SPTA1: variants seen among roughly 807,000 people sequenced by gnomAD.
SPTA1 encodes spectrin alpha chain, erythrocytic 1.
In SPTA1, 177 loss-of-function variants were observed where a neutral mutation model predicts 324.7. The observed-to-expected ratio is 0.55, with a 90% CI of 0.48 to 0.62. The LOEUF (loss-of-function observed/expected upper bound fraction) is 0.62. SPTA1 is among the 20% of genes least tolerant of loss of function. The pLI, the probability that SPTA1 is intolerant of heterozygous loss-of-function variation, is 0.00. For missense variants in SPTA1, 3,162 were observed against 2,883.6 expected (o/e 1.10, Z -2.21); for synonymous variants, 1,195 against 1,041.3 (o/e 1.15, Z -2.84).
chr1:158,667,509 A>G (rs1653694402), intron 15 of SPTA1, among the ~76,000 whole-genome samples: 1 of 152,222 alleles, frequency 6.6e-6, no homozygotes, highest in Non-Finnish European at 1.5e-5. Flanking sequence ...TTATAGAACC[A>G]AAATAGGTAA....
At chr1:158,640,673 TACAA>T (rs1557945517) in intron 33 of SPTA1, among the ~76,000 whole-genome samples, 1 of 151,984 alleles carries the variant, frequency 6.6e-6, no homozygotes, top group African/African-American at 2.4e-5. Flanking sequence ...TAAAAGAGGA[TACAA>T]ACAAATGGAA....
chr1:158,646,233 T>C (rs1015767498), intron 27 of SPTA1, among the ~76,000 whole-genome samples: 8 of 152,006 alleles, frequency 5.3e-5, no homozygotes, highest in Non-Finnish European at 1.2e-4. Context: ...AAAAGGCAAA[T>C]TTTAACTATG....
chr1:158,675,591 C>T (rs1363014782), intron 8 of SPTA1, among the ~76,000 whole-genome samples: 2 of 152,036 alleles, frequency 1.3e-5, no homozygotes, highest in Admixed American at 6.6e-5. Flanking sequence ...TACCTATATG[C>T]CTATGATAGA....
chr1:158,673,001 A>T lies in SPTA1; in HGVS notation c.1351-805T>A, dbSNP rs760695025. ...GCCGGATGTGGTGGTGCGCACCTCT[A>T]GTCCCAGCTATTCAGGAGGCTGAGG... is the stretch of plus-strand genomic sequence containing the variant. On this transcript the variant is annotated intron_variant, in intron 10 of 51. Coordinates refer to ENST00000643759, the MANE Select transcript of SPTA1 (RefSeq NM_003126.4). Among the ~76,000 whole-genome samples, 28 of 152,196 alleles carry T rather than the reference A, an allele frequency of 1.8e-4. 1 individual carries two copies. Among genetic ancestry groups the T allele is most frequent in the Middle Eastern group, 3.4e-3 (1 of 292 alleles).
intron 23 of SPTA1, 28 bp from the exon 24 acceptor site, chr1:158,651,496 T>C (rs1224022167): frequency 3.4e-6 from 5 of 1,465,104 alleles, no homozygotes; most frequent in African/African-American, 2.8e-5. Context: ...TCCAAAGCAG[T>C]GTAAATTCAT....
intron 20 of SPTA1, 46 bp downstream of exon 20, chr1:158,656,518 T>C (rs1557965521): frequency 3.2e-6 from 5 of 1,538,970 alleles, no homozygotes; most frequent in Non-Finnish European, 4.5e-6. Context: ...TTTCTTTTTC[T>C]TTGTGGTGGG....
rs1377517418 is a variant in SPTA1 at position 158,678,459 on chromosome 1, AACC to A, written c.751_753del (p.Gly251del). On this transcript the variant is annotated inframe_deletion, in exon 6 of 52. Transcript: ENST00000643759. ...AGAGCTTTCTGTCTCTGGAGAGCCA[AACC>A]ACGAAGGCGCTCCCAGGCAGCATTC... 1 of 1,613,814 alleles carries A rather than the reference AACC, an allele frequency of 6.2e-7. No individual in the cohort carries two copies. Among genetic ancestry groups the A allele is most frequent in the African/African-American group, 1.3e-5 (1 of 75,012 alleles).
chr1:158,645,536 C>T lies in SPTA1; in HGVS notation c.3955G>A (p.Glu1319Lys), dbSNP rs931833361. The T allele has an allele frequency of 1.1e-5, 18 of 1,614,010 alleles. No homozygotes were observed. In the East Asian group the frequency reaches 1.6e-4, roughly 14 times the overall value. Residue 1319 changes from glutamate to lysine, a missense_variant, in exon 28 of 52, where the codon GAA becomes AAA. By Grantham distance (56) the Glu-to-Lys change is moderately conservative (BLOSUM62 1). Coordinates refer to ENST00000643759, the MANE Select transcript of SPTA1 (RefSeq NM_003126.4). ...AAGATCTCTATGCCAGTTAAGTCTTCGGCCAGCTCCTGTGATGATACCATG... is the reference window on the plus strand; with the variant it reads ...AAGATCTCTATGCCAGTTAAGTCTTTGGCCAGCTCCTGTGATGATACCATG... ...GGMVSSQELA[E>K]DLTGIEILLE...
intron 45 of SPTA1, among the ~76,000 whole-genome samples, chr1:158,618,659 T>A (rs560125046): frequency 6.6e-6 from 1 of 152,320 alleles, no homozygotes; most frequent in East Asian, 1.9e-4. Flanking sequence ...TTAACATAAA[T>A]TATCTCACTT....
rs776082846 is a variant in SPTA1 at position 158,645,322 on chromosome 1, C to G, written c.4060G>C (p.Glu1354Gln). Residue 1354 changes from glutamate to glutamine, a missense_variant, in exon 29 of 52, where the codon GAA (glutamate) becomes CAA (glutamine). By Grantham distance (29) the Glu-to-Gln change is conservative. Coordinates refer to ENST00000643759, the MANE Select transcript of SPTA1 (RefSeq NM_003126.4). ...GCATGGTGCCCACTGTCGATAAGTT[C>G]TGCACTGAAGTCCTCTAAGGCCTGG... is the stretch of plus-strand genomic sequence containing the variant. ...TFQALEDFSA[E>Q]LIDSGHHASP... The G allele has an allele frequency of 6.2e-7, 1 of 1,614,014 alleles. No homozygotes were observed. Among genetic ancestry groups the G allele is most frequent in the Non-Finnish European group, 8.5e-7 (1 of 1,179,964 alleles).
intron 26 of SPTA1, 98 bp from the exon 27 acceptor site, chr1:158,647,818 A>G (rs1283334831): frequency 2.3e-6 from 3 of 1,280,786 alleles, no homozygotes; most frequent in Admixed American, 2.0e-5. Flanking sequence ...CCTCAAATAG[A>G]TATCAGTGAT....
chr1:158,651,449 G>C lies in SPTA1; in HGVS notation c.3395C>G (p.Pro1132Arg). ...EFQKDLNTNE[P>R]RLRDINKVAD... ...TACCTTGTTGATATCCCTTAGCCGA[G>C]GCTCATTGGTATTCAAATCCTGAAT... Residue 1132 changes from proline to arginine, a missense_variant, in exon 24 of 52, where the codon CCT (proline) becomes CGT (arginine). By Grantham distance (103) the Pro-to-Arg change is moderately radical (BLOSUM62 -2). Coordinates refer to ENST00000643759, the MANE Select transcript of SPTA1 (RefSeq NM_003126.4). 1 of 1,613,136 alleles carries C rather than the reference G, an allele frequency of 6.2e-7. No homozygotes were observed.
chr1:158,640,541 C>G (rs1393317720), intron 33 of SPTA1, among the ~76,000 whole-genome samples: 1 of 151,958 alleles, frequency 6.6e-6, no homozygotes, highest in Non-Finnish European at 1.5e-5. Context: ...AAACAGAGAG[C>G]CAAATCATGA....
intron 21 of SPTA1, 23 bp downstream of exon 21, chr1:158,654,588 G>A (rs774634457): frequency 6.2e-7 from 1 of 1,613,816 alleles, no homozygotes; most frequent in South Asian, 1.1e-5. Context: ...CTTTTTGATG[G>A]AAAGATTAGA....
At position 158,638,080 on chromosome 1, in the gene SPTA1, G is replaced by A; in HGVS notation, c.5142C>T (p.Ala1714=). 1.2e-6 allele frequency: 2 copies of A among 1,613,988 alleles called. No homozygotes were observed. The highest frequency in any genetic ancestry group is 2.2e-5 in the East Asian group (1 of 44,888). The change falls in exon 36 of 52, where the codon GCC becomes GCT. Residue 1714 remains alanine, a synonymous_variant. Transcript: ENST00000643759. ...CTAGATCCTGGAAGAACTGGAACAA[G>A]GCATAGGCCTCTTTCAATTTTTCGT... The part of the protein sequence containing the change: ...AHHEKLKEAY[A]LFQFFQDLDD...
chr1:158,678,895 C>T (rs528092704), intron 5 of SPTA1, among the ~76,000 whole-genome samples: 1 of 152,278 alleles, frequency 6.6e-6, no homozygotes, highest in African/African-American at 2.4e-5. Flanking sequence ...TGAAATACAA[C>T]TTAATTTTCT....
chr1:158,676,431 T>C, intron 7 of SPTA1, 136 bp from the exon 8 acceptor site: 1 of 882,992 alleles, frequency 1.1e-6, no homozygotes, highest in Non-Finnish European at 1.7e-6. Flanking sequence ...TTTCTATTAA[T>C]ATACTAATGT....
Position 158,649,880 on chromosome 1 carries a change from G to T in SPTA1, c.3545C>A (p.Ala1182Asp). ...ADEQRQLLGSAHAVEVFHREA... is the reference protein window; with the variant it reads ...ADEQRQLLGSDHAVEVFHREA... ...CCTGTGAAACACTTCAACAGCATGG[G>T]CACTGCCCAGCAGCTGCCGCTGTTC... is the stretch of plus-strand genomic sequence containing the variant. The change falls in exon 25 of 52, where the codon GCC becomes GAC. Residue 1182 changes from alanine (A) to aspartate (D), a missense_variant. By Grantham distance (126) the Ala-to-Asp change is moderately radical. Coordinates refer to ENST00000643759, the MANE Select transcript of SPTA1 (RefSeq NM_003126.4). The T allele has an allele frequency of 1.2e-6, 2 of 1,613,724 alleles. No individual in the cohort carries two copies. Among genetic ancestry groups the T allele is most frequent in the Non-Finnish European group, 1.7e-6 (2 of 1,179,796 alleles).
chr1:158,610,972 C>A lies in SPTA1; in HGVS notation c.*292G>T, dbSNP rs1649219149. On this transcript the variant is annotated 3_prime_UTR_variant, in exon 52 of 52. Transcript: ENST00000643759. ...AATAAAGCAAAATGATAAAGACGTG[C>A]AAAACAGAACAAATAAAAATAGAAA... 3.1e-6 allele frequency: 1 copy of A among 320,378 alleles called. No individual in the cohort carries two copies. Among genetic ancestry groups the A allele is most frequent in the African/African-American group, 2.1e-5 (1 of 46,898 alleles). 19.8% of individuals were successfully genotyped at this position (320,378 alleles called of 1,614,324 possible).
Sources: allele counts gnomAD v4.1 joint callset (sites outside exome capture counted in the v4.1 genomes callset), GRCh38; gene constraint gnomAD v4.1.1; transcripts MANE v1.5; gene names NCBI Gene and HGNC (gene_info 2026-07-23, HGNC 2026-07-21).